ZFR2: variants seen among roughly 807,000 people sequenced by gnomAD.
ZFR2 encodes zinc finger RNA binding protein 2, also known as zinc finger RNA-binding protein 2.
A neutral mutation model predicts 105.7 loss-of-function variants in ZFR2; 104 were observed. The ratio of observed to expected loss-of-function variants is 0.98; its 90% confidence interval spans 0.84 to 1.16. The LOEUF is 1.16. Among genes scored for constraint, ZFR2 ranks in the 50% most tolerant of loss-of-function variants. ZFR2 has a pLI of 0.00. For synonymous variants in ZFR2, 634 were observed against 597.7 expected (o/e 1.06, Z -0.89); for missense variants, 1,425 against 1,355.5 (o/e 1.05, Z -0.80).
chr19:3,811,194 G>A (rs1042004208), intron 15 of ZFR2, 78 bp downstream of exon 15: 47 of 1,381,852 alleles, frequency 3.4e-5, no homozygotes, highest in East Asian at 2.6e-4. Flanking sequence ...AGGCGGCCGC[G>A]CCGGGTTGAC....
chr19:3,855,487 A>C (rs1599254162), intron 1 of ZFR2: 1 of 1,223,264 alleles, frequency 8.2e-7, no homozygotes, highest in African/African-American at 1.6e-5. Context: ...GCTAGTGGGG[A>C]CCAGCTGCTG....
At chr19:3,847,392 C>T (rs1301321306) in intron 1 of ZFR2, among the ~76,000 whole-genome samples, 1 of 152,044 alleles carries the variant, frequency 6.6e-6, no homozygotes, top group Non-Finnish European at 1.5e-5. Context: ...GGTGTGGTGG[C>T]ACGTGCCTGT....
Position 3,833,656 on chromosome 19 carries a change from T to C in ZFR2, c.379+8A>G. ...TCGTTCCCAGCCCCGACCCTGCAGA[T>C]GGCTCACCTGGCTGGCCGGAGTCTG... On this transcript the variant is annotated splice_region_variant and intron_variant, in intron 3 of 18. Transcript: ENST00000262961. 2 of 1,550,506 alleles carry C rather than the reference T, an allele frequency of 1.3e-6. No homozygotes were observed. Among genetic ancestry groups the C allele is most frequent in the Non-Finnish European group, 1.7e-6 (2 of 1,147,070 alleles).
chr19:3,807,862 T>G (rs2037717058), intron 17 of ZFR2, among the ~76,000 whole-genome samples: 1 of 150,330 alleles, frequency 6.7e-6, no homozygotes, highest in Non-Finnish European at 1.5e-5. Context: ...TGTGTGTGCA[T>G]GCATGTGCCT....
At chr19:3,839,751 A>T (rs1360577102) in intron 1 of ZFR2, among the ~76,000 whole-genome samples, 1 of 152,010 alleles carries the variant, frequency 6.6e-6, no homozygotes, top group African/African-American at 2.4e-5. Context: ...CAGAGAATTG[A>T]AGCACCACCT....
chr19:3,837,209 C>A (rs1414657916), intron 1 of ZFR2, among the ~76,000 whole-genome samples: 1 of 152,196 alleles, frequency 6.6e-6, no homozygotes, highest in Non-Finnish European at 1.5e-5. Flanking sequence ...GCAATCTCGG[C>A]TCACTGCAAC....
chr19:3,822,787 A>C (rs1333026421), intron 8 of ZFR2, among the ~76,000 whole-genome samples: 1 of 152,172 alleles, frequency 6.6e-6, no homozygotes. Context: ...CACAAGGCCA[A>C]CCGGGGTCTG....
At chr19:3,840,382 C>A (rs553877805) in intron 1 of ZFR2, among the ~76,000 whole-genome samples, 59 of 151,936 alleles carry the variant, frequency 3.9e-4, no homozygotes, top group African/African-American at 1.4e-3. Flanking sequence ...GGATTATAGG[C>A]ACCTACCATC....
In ZFR2 at chr19:3,850,922, A is replaced by G. The variant is rs866350816; in HGVS notation, c.54-15939T>C. On this transcript the variant is annotated intron_variant, in intron 1 of 18. Transcript: ENST00000262961. Reference sequence around the variant, plus strand: ...TTTCAAAAAAAAAAAAAAAAAAAAAAAGAGACACCAGCAGTGCACATGGAC... The same window carrying G: ...TTTCAAAAAAAAAAAAAAAAAAAAAGAGAGACACCAGCAGTGCACATGGAC... Among the ~76,000 whole-genome samples, 228 of 145,052 alleles carry G rather than the reference A, an allele frequency of 1.6e-3. 1 individual carries two copies. The highest frequency in any genetic ancestry group is 5.4e-3 in the African/African-American group (219 of 40,432).
chr19:3,821,527 A>G, intron 9 of ZFR2, 48 bp from the exon 10 acceptor site: 1 of 1,491,564 alleles, frequency 6.7e-7, no homozygotes, highest in Non-Finnish European at 9.0e-7. Context: ...TGCTTTAGAC[A>G]GGGATGCCAG....
At chr19:3,830,359 C>A (rs564912384) in intron 5 of ZFR2, among the ~76,000 whole-genome samples, 60 of 152,154 alleles carry the variant, frequency 3.9e-4, no homozygotes, top group Admixed American at 5.2e-4. Flanking sequence ...TCACTTGAAC[C>A]CAGGAGGTGG....
At position 3,806,092 on chromosome 19, in the gene ZFR2, G is replaced by T. The variant is rs867850050; in HGVS notation, c.2677C>A (p.His893Asn). 2 of 1,493,578 alleles carry T rather than the reference G, an allele frequency of 1.3e-6. No individual in the cohort carries two copies. The highest frequency in any genetic ancestry group is 2.6e-5 in the East Asian group (1 of 38,954). The allele number at this position is 1,493,578 out of a possible 1,614,324, so 92.5% of individuals were successfully genotyped here. A position where few individuals can be genotyped will look rare whatever the true frequency, so the allele number is the denominator to read the frequency against. ...AGGAGATCCATGCCCAGGACCTTGT[G>T]GGTCTGCCGGAAGGCCAGCATTCGC... is the stretch of plus-strand genomic sequence containing the variant. ...ALRMLAFRQT[H>N]KVLGMDLLPP... The change falls in exon 19 of 19, where the codon CAC becomes AAC. Residue 893 changes from histidine to asparagine, a missense_variant. Transcript: ENST00000262961.
chr19:3,855,515 G>T, intron 1 of ZFR2: 1 of 1,158,790 alleles, frequency 8.6e-7, no homozygotes, highest in Non-Finnish European at 1.1e-6. Context: ...CGCTGTCACA[G>T]CAGCGGGGAA....
At chr19:3,839,106 T>C (rs182425841) in intron 1 of ZFR2, among the ~76,000 whole-genome samples, 91 of 152,276 alleles carry the variant, frequency 6.0e-4, no homozygotes, top group South Asian at 3.5e-3. Flanking sequence ...TGGGGTGTTT[T>C]CATCTCTCCC....
rs1200779112 is a variant in ZFR2, at chr19:3,823,155, C to G, written c.1371+91G>C. The G allele has an allele frequency of 6.3e-7, 1 of 1,576,498 alleles. No homozygotes were observed. The highest frequency in any genetic ancestry group is 1.3e-5 in the African/African-American group (1 of 74,312). ...GGAACGGGGATGGGTCTGTAAATCT[C>G]GCTGGGAGAAGCCGGGTGAGGTCTC... On this transcript the variant is annotated intron_variant, in intron 8 of 18. Coordinates refer to ENST00000262961, the MANE Select transcript of ZFR2 (RefSeq NM_015174.2). The surrounding 1 kb of genome is among the most constrained non-coding windows in gnomAD (Gnocchi z 5.4).
rs1175976646 is a variant in ZFR2 at position 3,808,774 on chromosome 19, C to CAGG, written c.2545+97_2545+98insCCT. The stretch of plus-strand genomic sequence containing the variant: ...CACTCCTGCCTGGGCTGGACACTTC[C>CAGG]TCTGTGTCTGTGACCCCAGCTCTCT... On this transcript the variant is annotated intron_variant, in intron 17 of 18. Transcript: ENST00000262961. 4 of 1,031,470 alleles carry CAGG rather than the reference C, an allele frequency of 3.9e-6. No individual in the cohort carries two copies. In the African/African-American group the frequency reaches 6.5e-5, roughly 17 times the overall value. 63.9% of individuals were successfully genotyped at this position (1,031,470 alleles called of 1,614,324 possible). A position where few individuals can be genotyped will look rare whatever the true frequency, so the allele number is the denominator to read the frequency against.
chr19:3,812,607 C>G (rs557691664), intron 14 of ZFR2, among the ~76,000 whole-genome samples: 27 of 152,194 alleles, frequency 1.8e-4, no homozygotes, highest in Admixed American at 1.6e-3. Flanking sequence ...CCCCCACAAC[C>G]GCGCCACTCC....
intron 12 of ZFR2, among the ~76,000 whole-genome samples, chr19:3,818,711 C>T (rs1022533042): frequency 7.2e-5 from 11 of 152,346 alleles, no homozygotes; most frequent in East Asian, 1.9e-4. Flanking sequence ...GTCAGAATCA[C>T]GCTCAGCTTT....
At chr19:3,850,073 T>G (rs1194560297) in intron 1 of ZFR2, among the ~76,000 whole-genome samples, 1 of 152,150 alleles carries the variant, frequency 6.6e-6, no homozygotes, top group Non-Finnish European at 1.5e-5. Context: ...CTCTGCTGTC[T>G]GATGGCAGGA....
Sources: allele counts gnomAD v4.1 joint callset (sites outside exome capture counted in the v4.1 genomes callset), GRCh38; gene constraint gnomAD v4.1.1; non-coding constraint Gnocchi (gnomAD v3.1); transcripts MANE v1.5; gene names NCBI Gene and HGNC (gene_info 2026-07-23, HGNC 2026-07-21).